Variants in PIP5K1B observed in about 807,000 individuals in gnomAD.
The protein encoded by PIP5K1B is phosphatidylinositol-4-phosphate 5-kinase type 1 beta, also known as phosphatidylinositol 4-phosphate 5-kinase type-1 beta.
In PIP5K1B, 42 loss-of-function variants were observed where a neutral mutation model predicts 67.0. The ratio of observed to expected loss-of-function variants is 0.63; its 90% CI spans 0.49 to 0.81. PIP5K1B has a LOEUF of 0.81. Ranked by LOEUF, PIP5K1B falls within the 30% of genes least tolerant of loss-of-function variation. The pLI is 0.00. For synonymous variants in PIP5K1B, 214 were observed against 231.4 expected (o/e 0.92, Z 0.68); for missense variants, 459 against 646.3 (o/e 0.71, Z 3.14).
chr9:68,850,961 C>T (rs1449539020), intron 4 of PIP5K1B, among the ~76,000 whole-genome samples: 1 of 152,150 alleles, frequency 6.6e-6, no homozygotes, highest in Non-Finnish European at 1.5e-5. Context: ...GCAAATATAA[C>T]AGCTCTATCC....
intron 1 of PIP5K1B, among the ~76,000 whole-genome samples, chr9:68,720,949 T>C (rs1270271580): frequency 2.0e-5 from 3 of 152,206 alleles, no homozygotes; most frequent in African/African-American, 7.2e-5. Context: ...TGTATAACAG[T>C]GATAGCAGCT....
chr9:68,914,857 C>T (rs528931956), intron 8 of PIP5K1B, among the ~76,000 whole-genome samples: 2 of 152,300 alleles, frequency 1.3e-5, no homozygotes, highest in South Asian at 4.1e-4. Context: ...CAGAATGACA[C>T]TGGTAAGCAG....
intron 1 of PIP5K1B, among the ~76,000 whole-genome samples, chr9:68,732,989 A>G (rs1365622274): frequency 6.6e-6 from 1 of 152,098 alleles, no homozygotes; most frequent in African/African-American, 2.4e-5. Context: ...ACCTGTACCA[A>G]TTTTGATGCT....
chr9:68,995,298 C>T (rs1323783254), intron 15 of PIP5K1B, among the ~76,000 whole-genome samples: 1 of 152,166 alleles, frequency 6.6e-6, no homozygotes, highest in East Asian at 1.9e-4. Flanking sequence ...CCAAATTTTG[C>T]TGTTTAATCA....
intron 14 of PIP5K1B, chr9:68,941,176 G>A: frequency 2.2e-6 from 1 of 452,650 alleles, no homozygotes; most frequent in Non-Finnish European, 4.4e-6. Context: ...TGATCTTAGT[G>A]ACTATGGTAA....
At chr9:68,917,210 G>C (rs1826146168) in intron 8 of PIP5K1B, among the ~76,000 whole-genome samples, 1 of 152,206 alleles carries the variant, frequency 6.6e-6, no homozygotes, top group South Asian at 2.1e-4. Flanking sequence ...CTAGCTTATA[G>C]AGTTGTTGAG....
At chr9:68,939,705 C>A (rs1397420173) in intron 13 of PIP5K1B, among the ~76,000 whole-genome samples, 3 of 152,180 alleles carry the variant, frequency 2.0e-5, no homozygotes, top group African/African-American at 4.8e-5. Context: ...TGCCTGGCTT[C>A]CCTCCATGTT....
At chr9:68,780,049 G>A (rs1831151418) in intron 2 of PIP5K1B, 16 of 1,368,050 alleles carry the variant, frequency 1.2e-5, no homozygotes, top group Non-Finnish European at 1.5e-5. Flanking sequence ...ATGCGCAGAG[G>A]GGCCAGCCCG....
At chr9:68,969,358 A>G (rs1244439984) in intron 14 of PIP5K1B, among the ~76,000 whole-genome samples, 13 of 107,464 alleles carry the variant, frequency 1.2e-4, no homozygotes, top group Admixed American at 3.5e-4. Context: ...ACAGAGCGAG[A>G]CTCCACCTCA....
chr9:68,870,024 G>A (rs1290375863), intron 5 of PIP5K1B, among the ~76,000 whole-genome samples: 1 of 152,156 alleles, frequency 6.6e-6, no homozygotes, highest in African/African-American at 2.4e-5. Context: ...TTTGTTCAGC[G>A]TGTATTTGGT....
In PIP5K1B at chr9:68,762,382, T is replaced by C. The variant is rs536701769; in HGVS notation, c.-86+19725T>C. On this transcript the variant is annotated intron_variant, in intron 2 of 15. Coordinates refer to ENST00000265382, the MANE Select transcript of PIP5K1B (RefSeq NM_003558.4). ...TTCATAATGCCCATAGTGAACATGC[T>C]CATTAAAATAGAAAAATTAGACTGT... is the stretch of plus-strand genomic sequence containing the variant. 1.6e-3 allele frequency among the ~76,000 whole-genome samples: 248 copies of C among 152,220 alleles called. 1 individual carries two copies. The highest frequency in any genetic ancestry group is 2.3e-3 in the Non-Finnish European group (158 of 67,958).
At chr9:68,833,385 G>A (rs1176478457) in intron 4 of PIP5K1B, among the ~76,000 whole-genome samples, 1 of 152,230 alleles carries the variant, frequency 6.6e-6, no homozygotes, top group Non-Finnish European at 1.5e-5. Flanking sequence ...GAGCTTGGTG[G>A]ATTCAAGGAA....
At chr9:68,787,354 A>G (rs563759641) in intron 2 of PIP5K1B, among the ~76,000 whole-genome samples, 2 of 152,322 alleles carry the variant, frequency 1.3e-5, no homozygotes, top group South Asian at 2.1e-4. Context: ...TAGGGTTTTC[A>G]TGTCAATAGT....
chr9:68,889,013 G>A lies in PIP5K1B; in HGVS notation c.351G>A (p.Leu117=). The change falls in exon 7 of 16, where the codon CTG becomes CTA. Residue 117 remains leucine (L), a synonymous_variant. Transcript: ENST00000265382. ...TCTGCAGTGAACCTCTAATAGAACT[G>A]TCTAACCCTGGAGCCAGTGGATCCT... ...YSICSEPLIE[L]SNPGASGSLF... is the part of the protein sequence containing the mutation. The A allele has an allele frequency of 6.2e-7, 1 of 1,612,108 alleles. No homozygotes were observed. Among genetic ancestry groups the A allele is most frequent in the Non-Finnish European group, 8.5e-7 (1 of 1,178,230 alleles).
At chr9:68,855,790 A>T (rs1241061291) in intron 4 of PIP5K1B, among the ~76,000 whole-genome samples, 1 of 152,170 alleles carries the variant, frequency 6.6e-6, no homozygotes, top group Non-Finnish European at 1.5e-5. Flanking sequence ...TGGTTGTAGG[A>T]CTATGGAAAT....
chr9:68,970,011 C>T (rs1271252787), intron 14 of PIP5K1B, among the ~76,000 whole-genome samples: 3 of 151,976 alleles, frequency 2.0e-5, no homozygotes, highest in African/African-American at 7.3e-5. Context: ...AAAAATAGCC[C>T]TTACTTACCC....
At chr9:68,954,579 A>T (rs535093725) in intron 14 of PIP5K1B, among the ~76,000 whole-genome samples, 1 of 152,208 alleles carries the variant, frequency 6.6e-6, no homozygotes, top group Non-Finnish European at 1.5e-5. Context: ...ACAAGTTGAA[A>T]AGGCTATTTT....
intron 14 of PIP5K1B, chr9:68,963,184 T>C (rs540932779): frequency 6.6e-6 from 3 of 456,208 alleles, no homozygotes; most frequent in Non-Finnish European, 1.3e-5. Context: ...TATTAACAGG[T>C]TCAAGATGGC....
chr9:68,867,612 A>C (rs2132279258), intron 5 of PIP5K1B, among the ~76,000 whole-genome samples: 1 of 152,298 alleles, frequency 6.6e-6, no homozygotes, highest in Admixed American at 6.5e-5. Flanking sequence ...GTGATGGATA[A>C]ATTTAGTATC....
Sources: gnomAD v4.1 joint callset for allele counts (sites outside exome capture counted in the v4.1 genomes callset) on GRCh38, gnomAD v4.1.1 for gene constraint, MANE v1.5 for transcripts, NCBI Gene and HGNC (gene_info 2026-07-23, HGNC 2026-07-21) for gene names.